KLK6: variants seen among roughly 807,000 people sequenced by gnomAD.
KLK6 encodes the protein kallikrein related peptidase 6, also known as kallikrein-6.
In KLK6, 16 loss-of-function variants were observed where a neutral mutation model predicts 21.7. The observed-to-expected ratio is 0.74, with a 90% CI of 0.50 to 1.12. The LOEUF (loss-of-function observed/expected upper bound fraction) is 1.12, where lower values mean the gene tolerates loss of function less well. Ranked by LOEUF, KLK6 falls within the 50% of genes most tolerant of loss-of-function variation. The pLI is 0.00. For missense variants in KLK6, 276 were observed against 304.6 expected, an observed-to-expected ratio of 0.91 and a Z score of 0.70; for synonymous variants, 116 against 120.1, an observed-to-expected ratio of 0.97 and a Z score of 0.22.
At chr19:50,960,377 T>C (rs2123620728) in intron 6 of KLK6, among the ~76,000 whole-genome samples, 1 of 152,204 alleles carries the variant, frequency 6.6e-6, no homozygotes, top group African/African-American at 2.4e-5. Flanking sequence ...GGTTGGTCTC[T>C]GCACATCCCT....
intron 4 of KLK6, chr19:50,963,756 T>C (rs1273933151): frequency 1.7e-6 from 1 of 588,102 alleles, no homozygotes; most frequent in Non-Finnish European, 3.0e-6. Flanking sequence ...TGTCCAGAAT[T>C]CCTTTTGCCT....
rs371093206 is a variant in KLK6, at chr19:50,963,284, C to T, written c.445+18G>A. Reference sequence around the variant, plus strand: ...AAGTAGCCAGTAGCCTGCTCCCCACCAGCCTCCCACTACTGACCATCTGCT... The same window carrying T: ...AAGTAGCCAGTAGCCTGCTCCCCACTAGCCTCCCACTACTGACCATCTGCT... On this transcript the variant is annotated intron_variant, in intron 5 of 6. Coordinates refer to ENST00000310157, the MANE Select transcript of KLK6 (RefSeq NM_002774.4). The T allele has an allele frequency of 1.0e-5, 16 of 1,603,668 alleles. No individual in the cohort carries two copies. The African/African-American group carries it at 2.0e-4, about 20-fold the overall frequency.
chr19:50,961,076 T>A (rs183343456), intron 6 of KLK6, among the ~76,000 whole-genome samples: 3,263 of 142,256 alleles, frequency 0.023, 36 homozygotes, highest in African/African-American at 0.081. Flanking sequence ...ATTTTTGTAT[T>A]TTTAGTAGAG....
Position 50,959,124 on chromosome 19 carries a change from G to C in KLK6, c.*40C>G, listed in dbSNP as rs1370396904. ...GTGAGAGACGTTCTGGAACCAGCCA[G>C]TGGGGTGGTAGGTCGGGAGGTAGAT... On this transcript the variant is annotated 3_prime_UTR_variant, in exon 7 of 7. Transcript: ENST00000310157. The C allele has an allele frequency of 6.2e-7, 1 of 1,611,668 alleles. No individual in the cohort carries two copies. Among genetic ancestry groups the C allele is most frequent in the Admixed American group, 1.7e-5 (1 of 59,962 alleles).
intron 6 of KLK6, among the ~76,000 whole-genome samples, chr19:50,961,108 C>G (rs1322720362): frequency 1.3e-5 from 1 of 78,454 alleles, no homozygotes; most frequent in East Asian, 4.1e-4. Flanking sequence ...CCATGTTGAT[C>G]AGGCTGGTCT....
chr19:50,962,082 T>TCC (rs570065137), intron 5 of KLK6: 1 of 514,446 alleles, frequency 1.9e-6, no homozygotes, highest in East Asian at 3.4e-5. Flanking sequence ...CTATCATTCT[T>TCC]CCCCCCCATT....
At chr19:50,961,007 A>C (rs899223556) in intron 6 of KLK6, among the ~76,000 whole-genome samples, 2 of 151,656 alleles carry the variant, frequency 1.3e-5, no homozygotes, top group African/African-American at 4.9e-5. Context: ...CTGGTTATTC[A>C]CCCACCTCGG....
At chr19:50,963,576 C>T in intron 4 of KLK6, 27 bp from the exon 5 acceptor site, 1 of 1,610,600 alleles carries the variant, frequency 6.2e-7, no homozygotes, top group Non-Finnish European at 8.5e-7. Context: ...CTGGGTCTCA[C>T]CTGGAGCCCT....
chr19:50,964,782 G>C (rs1337933716), intron 4 of KLK6, among the ~76,000 whole-genome samples: 1 of 152,198 alleles, frequency 6.6e-6, no homozygotes, highest in Non-Finnish European at 1.5e-5. Context: ...AATAAAGCCT[G>C]GGCTCCTCCA....
chr19:50,959,748 AGAGGAGGAGGAAGAGGAGAAG>A (rs1568535150), intron 6 of KLK6, among the ~76,000 whole-genome samples: 3 of 4,734 alleles, frequency 6.3e-4, no homozygotes, highest in Non-Finnish European at 1.1e-3. Flanking sequence ...AGGAGGAGGA[AGAGGAGGAGGAAGAGGAGAAG>A]GAGGAGGAGG....
chr19:50,964,083 C>T (rs2090889134), intron 4 of KLK6, among the ~76,000 whole-genome samples: 1 of 152,146 alleles, frequency 6.6e-6, no homozygotes, highest in African/African-American at 2.4e-5. Flanking sequence ...TCTTCTCCTC[C>T]CACTCTCCCC....
intron 1 of KLK6, 70 bp from the exon 2 acceptor site, chr19:50,968,661 G>A (rs997502960): frequency 1.2e-5 from 2 of 163,634 alleles, no homozygotes; most frequent in East Asian, 3.5e-4. Context: ...CTCAGATGCA[G>A]TGGCAGAGCC....
Position 50,963,292 on chromosome 19 carries a change from C to T in KLK6, c.445+10G>A, listed in dbSNP as rs1354976724. On this transcript the variant is annotated intron_variant, in intron 5 of 6. Coordinates refer to ENST00000310157, the MANE Select transcript of KLK6 (RefSeq NM_002774.4). ...AGTAGCCTGCTCCCCACCAGCCTCC[C>T]ACTACTGACCATCTGCTGTCTTGCC... 6.2e-7 allele frequency: 1 copy of T among 1,609,344 alleles called. No homozygotes were observed. The highest frequency in any genetic ancestry group is 1.7e-4 in the Middle Eastern group (1 of 6,040).
In KLK6 at chr19:50,966,571, C is replaced by T. The variant is rs368525601; in HGVS notation, c.197+598G>A. Among the ~76,000 whole-genome samples the T allele has an allele frequency of 6.4e-4, 98 of 152,270 alleles. No individual in the cohort carries two copies. In the East Asian group the frequency reaches 8.1e-3, roughly 13 times the overall value. On this transcript the variant is annotated intron_variant, in intron 4 of 6. Transcript: ENST00000310157. ...ATCCCAGCTCTTTGGGAGGGCGAGG[C>T]GGGCGGATCACCTGAGGTCAGGAGT...
At chr19:50,964,973 G>C (rs1444178612) in intron 4 of KLK6, among the ~76,000 whole-genome samples, 1 of 152,124 alleles carries the variant, frequency 6.6e-6, no homozygotes, top group African/African-American at 2.4e-5. Flanking sequence ...CCATCTTCAT[G>C]CCTCCGCTTG....
In KLK6 at chr19:50,967,183, G is replaced by T. The variant is rs779274837; in HGVS notation, c.183C>A (p.Ala61=). The T allele has an allele frequency of 8.7e-6, 14 of 1,611,196 alleles. No homozygotes were observed. Among genetic ancestry groups the T allele is most frequent in the Non-Finnish European group, 1.1e-5 (13 of 1,178,944 alleles). The change falls in exon 4 of 7, where the codon GCC becomes GCA. Residue 61 remains alanine, a synonymous_variant. Coordinates refer to ENST00000310157, the MANE Select transcript of KLK6 (RefSeq NM_002774.4). The stretch of plus-strand genomic sequence containing the variant: ...TGTAGACTCACGGTTTTTTGCAGTG[G>T]GCAGCTGTGAGGACCCACAGTGGAT... ...LIHPLWVLTA[A]HCKKPNLQVF... is the part of the protein sequence containing the mutation.
rs2090958986 is a variant in KLK6, at chr19:50,968,284, C to T, written c.-8-172G>A. 4.5e-6 allele frequency: 3 copies of T among 672,842 alleles called. No individual in the cohort carries two copies. The Admixed American group carries it at 6.5e-5, about 15-fold the overall frequency. The allele number at this position is 672,842 out of a possible 1,614,324, so 41.7% of individuals were successfully genotyped here. A position where few individuals can be genotyped will look rare whatever the true frequency, so the allele number is the denominator to read the frequency against. On this transcript the variant is annotated intron_variant, in intron 2 of 6. Transcript: ENST00000310157. The stretch of plus-strand genomic sequence containing the variant: ...TTATTCTTCCTCAGCCCACATCTTC[C>T]ATCAGAGGATCCCACGAAAACAGTG...
chr19:50,961,636 C>A, intron 6 of KLK6, 108 bp downstream of exon 6: 3 of 1,370,204 alleles, frequency 2.2e-6, no homozygotes, highest in Non-Finnish European at 1.0e-6. Flanking sequence ...CTATCTGTCT[C>A]TGTAAAGCTC....
chr19:50,960,858 C>T (rs1383558556), intron 6 of KLK6, among the ~76,000 whole-genome samples: 1 of 152,130 alleles, frequency 6.6e-6, no homozygotes, highest in African/African-American at 2.4e-5. Flanking sequence ...CCTCCGCCTC[C>T]AGGTTCAAGT....
Sources: gnomAD v4.1 joint callset for allele counts (sites outside exome capture counted in the v4.1 genomes callset) on GRCh38, gnomAD v4.1.1 for gene constraint, MANE v1.5 for transcripts, NCBI Gene and HGNC (gene_info 2026-07-23, HGNC 2026-07-21) for gene names.